Variants in NETO1 observed in about 807,000 individuals in gnomAD.
NETO1 encodes neuropilin and tolloid-like protein 1.
NETO1 carries 26 observed loss-of-function variants against 61.3 expected under a neutral mutation model. The observed-to-expected ratio is 0.42, with a 90% confidence interval of 0.31 to 0.59. NETO1 has a LOEUF of 0.59. Ranked by LOEUF, NETO1 falls within the 20% of genes least tolerant of loss-of-function variation. The probability of loss-of-function intolerance (pLI) is 0.12; values close to 1 mark genes in which losing one functional copy is unlikely to be tolerated. For synonymous variants in NETO1, 225 were observed against 225.8 expected (o/e 1.00, Z 0.03); for missense variants, 531 against 662.8 (o/e 0.80, Z 2.18).
chr18:72,771,906 AGTTCTG>A (rs2071363503), intron 7 of NETO1, among the ~76,000 whole-genome samples: 1 of 134,720 alleles, frequency 7.4e-6, no homozygotes, highest in Non-Finnish European at 1.7e-5. Context: ...ATGATCTCAC[AGTTCTG>A]TATGTCAGAA....
chr18:72,845,258 G>C (rs1007771829), intron 4 of NETO1, among the ~76,000 whole-genome samples: 1 of 152,164 alleles, frequency 6.6e-6, no homozygotes, highest in Non-Finnish European at 1.5e-5. Flanking sequence ...AATGCTATCT[G>C]TCAAGTGCTG....
In NETO1 at chr18:72,839,493, C is replaced by T. The variant is rs546628860; in HGVS notation, c.469+19333G>A. 4.2e-4 allele frequency among the ~76,000 whole-genome samples: 64 copies of T among 152,288 alleles called. No homozygotes were observed. In the South Asian group the frequency reaches 0.011, roughly 27 times the overall value. ...CTCTTGGATGACAGAAAGTTCTATG[C>T]ATCTCTTTGAGAACTGGAGGTTTAA... On this transcript the variant is annotated intron_variant, in intron 4 of 10. Coordinates refer to ENST00000327305, the MANE Select transcript of NETO1 (RefSeq NM_138966.5).
At position 72,772,821 on chromosome 18, in the gene NETO1, CTCTCTATATATATATATATATATATATA is replaced by C. The variant is rs1229372139; in HGVS notation, c.868+10829_868+10856del. 7.0e-3 allele frequency among the ~76,000 whole-genome samples: 356 copies of C among 50,698 alleles called. 17 individuals carry two copies. The highest frequency in any genetic ancestry group is 0.022 in the African/African-American group (260 of 11,978). 33.3% of individuals were successfully genotyped at this position (50,698 alleles called of 152,430 possible). A position where few individuals can be genotyped will look rare whatever the true frequency, so the allele number is the denominator to read the frequency against. The stretch of plus-strand genomic sequence containing the variant: ...TCTCTCTCTCTCTCTCTCTCTCTCT[CTCTCTATATATATATATATATATATATA>C]TATATATATATATATATATATATCA... On this transcript the variant is annotated intron_variant, in intron 7 of 10. Coordinates refer to ENST00000327305, the MANE Select transcript of NETO1 (RefSeq NM_138966.5).
At position 72,865,169 on chromosome 18, in the gene NETO1, T is replaced by G. The variant is rs200562539; in HGVS notation, c.82+19A>C. On this transcript the variant is annotated intron_variant, in intron 2 of 10. Transcript: ENST00000327305. ...AATAATTCGAGGTCTTCCACTAGCA[T>G]TTTTCTAAGTAAACACACCTGTTCC... 1.0e-4 allele frequency: 162 copies of G among 1,608,184 alleles called. 1 individual carries two copies. In the African/African-American group the frequency reaches 1.9e-3, roughly 19 times the overall value.
chr18:72,831,319 T>A (rs1404311005), intron 4 of NETO1, among the ~76,000 whole-genome samples: 4 of 152,154 alleles, frequency 2.6e-5, no homozygotes. Flanking sequence ...ATGAAAATGA[T>A]CTATTTCTTC....
chr18:72,861,484 A>G (rs1325254756), intron 3 of NETO1, among the ~76,000 whole-genome samples: 1 of 152,126 alleles, frequency 6.6e-6, no homozygotes, highest in East Asian at 1.9e-4. Context: ...TCCTTTTAAC[A>G]TTTCTGTAAG....
At chr18:72,762,259 C>G (rs1237753491) in intron 7 of NETO1, among the ~76,000 whole-genome samples, 3 of 151,668 alleles carry the variant, frequency 2.0e-5, no homozygotes, top group African/African-American at 7.3e-5. Context: ...CTCCTGGGTT[C>G]AAGTGATACT....
At chr18:72,782,348 G>A (rs1016553915) in intron 7 of NETO1, among the ~76,000 whole-genome samples, 4 of 152,268 alleles carry the variant, frequency 2.6e-5, no homozygotes, top group African/African-American at 4.8e-5. Context: ...ATGACAGAAC[G>A]ATTTATACTC....
chr18:72,758,056 G>T (rs1054529416), intron 7 of NETO1, among the ~76,000 whole-genome samples: 1 of 73,570 alleles, frequency 1.4e-5, no homozygotes, highest in Non-Finnish European at 2.9e-5. Flanking sequence ...AATAGGAAGG[G>T]GTAGTTTAAA....
intron 6 of NETO1, among the ~76,000 whole-genome samples, chr18:72,787,167 G>A (rs1354040388): frequency 6.7e-6 from 1 of 150,360 alleles, no homozygotes; most frequent in South Asian, 2.1e-4. Context: ...AACATGTTAA[G>A]TGGAACAAAA....
chr18:72,791,823 A>T (rs1371067325), intron 6 of NETO1, among the ~76,000 whole-genome samples: 2 of 152,228 alleles, frequency 1.3e-5, no homozygotes, highest in Non-Finnish European at 2.9e-5. Flanking sequence ...TCCACACCTT[A>T]CGAAAACAGC....
At chr18:72,867,149 G>T in intron 1 of NETO1, 115 bp downstream of exon 1, 3 of 734,160 alleles carry the variant, frequency 4.1e-6, no homozygotes, top group South Asian at 2.6e-5. Flanking sequence ...ACCCGCGCGG[G>T]ACTGCAGGGT....
At chr18:72,827,487 A>G (rs2073418375) in intron 4 of NETO1, among the ~76,000 whole-genome samples, 1 of 152,172 alleles carries the variant, frequency 6.6e-6, no homozygotes, top group Admixed American at 6.5e-5. Context: ...CCAAAGCAGG[A>G]GAAAATTTGA....
intron 4 of NETO1, among the ~76,000 whole-genome samples, chr18:72,817,835 A>G (rs548987988): frequency 6.6e-6 from 1 of 152,252 alleles, no homozygotes; most frequent in East Asian, 1.9e-4. Context: ...TCCCACCCCA[A>G]CATGCTCATG....
chr18:72,824,301 C>G (rs777214065), intron 4 of NETO1, among the ~76,000 whole-genome samples: 57 of 152,304 alleles, frequency 3.7e-4, no homozygotes, highest in Admixed American at 3.9e-4. Context: ...AGGTAAACTT[C>G]ATTTCTAGTC....
chr18:72,794,912 G>A (rs2072260210), intron 4 of NETO1, among the ~76,000 whole-genome samples: 1 of 152,184 alleles, frequency 6.6e-6, no homozygotes, highest in African/African-American at 2.4e-5. Flanking sequence ...AAATTAAGAT[G>A]TAAAATCTAG....
downstream of NETO1, among the ~76,000 whole-genome samples, chr18:72,743,149 A>G (rs760857150): frequency 5.3e-5 from 8 of 152,170 alleles, no homozygotes; most frequent in Non-Finnish European, 1.2e-4. Flanking sequence ...ATTCCTTTGG[A>G]TAGTATTCCA....
chr18:72,834,901 T>A (rs1813495168), intron 4 of NETO1: 1 of 805,328 alleles, frequency 1.2e-6, no homozygotes, highest in Non-Finnish European at 1.5e-6. Context: ...ATTATATAAT[T>A]ATAATCTTTT....
At chr18:72,786,628 A>G (rs2071927920) in intron 6 of NETO1, among the ~76,000 whole-genome samples, 1 of 151,992 alleles carries the variant, frequency 6.6e-6, no homozygotes, top group Non-Finnish European at 1.5e-5. Context: ...CCTTTGTTTT[A>G]TTTTATCTAA....
Sources: allele counts gnomAD v4.1 joint callset (sites outside exome capture counted in the v4.1 genomes callset), GRCh38; gene constraint gnomAD v4.1.1; transcripts MANE v1.5; gene names NCBI Gene and HGNC (gene_info 2026-07-23, HGNC 2026-07-21).